Variants in BPTF observed in about 807,000 individuals in gnomAD.
BPTF encodes the protein nucleosome-remodeling factor subunit BPTF.
A neutral mutation model predicts 292.5 loss-of-function variants in BPTF; 18 were observed. The ratio of observed to expected loss-of-function variants is 0.06; its 90% CI spans 0.04 to 0.09. BPTF has a LOEUF of 0.09. Among genes scored for constraint, BPTF ranks in the 10% least tolerant of loss-of-function variants. BPTF has a pLI of 1.00. For synonymous variants in BPTF, 1,225 were observed against 1,251.9 expected, an observed-to-expected ratio of 0.98 and a Z score of 0.45; for missense variants, 2,726 against 3,498.7, an observed-to-expected ratio of 0.78 and a Z score of 5.57.
chr17:67,893,930 G>T (rs894923689), intron 6 of BPTF, 104 bp from the exon 7 acceptor site: 1 of 1,407,410 alleles, frequency 7.1e-7, no homozygotes. Flanking sequence ...AGGAGTCATC[G>T]TCTTTATACC....
chr17:67,891,758 C>T (rs920308416), intron 4 of BPTF, 86 bp from the exon 5 acceptor site: 33 of 1,003,414 alleles, frequency 3.3e-5, no homozygotes, highest in Middle Eastern at 2.2e-4. Flanking sequence ...CTTACACATA[C>T]ACCAGATACG....
At chr17:67,932,075 C>A (rs557231812) in intron 18 of BPTF, 56 bp downstream of exon 18, 3 of 1,438,042 alleles carry the variant, frequency 2.1e-6, no homozygotes, top group Non-Finnish European at 2.9e-6. Context: ...CTAGGAAATA[C>A]GTAATTCTCT....
intron 15 of BPTF, among the ~76,000 whole-genome samples, chr17:67,925,969 C>T (rs958399618): frequency 7.8e-6 from 1 of 128,810 alleles, no homozygotes; most frequent in African/African-American, 2.8e-5. Flanking sequence ...TTTCTCATCT[C>T]TGCAATGTAA....
intron 7 of BPTF, among the ~76,000 whole-genome samples, chr17:67,894,722 A>T (rs1318813231): frequency 6.6e-6 from 1 of 152,164 alleles, no homozygotes; most frequent in Admixed American, 6.5e-5. Flanking sequence ...AGTAAATAGC[A>T]TTTTTATTGA....
intron 4 of BPTF, among the ~76,000 whole-genome samples, chr17:67,878,674 A>G (rs1052850835): frequency 2.9e-5 from 4 of 139,634 alleles, no homozygotes; most frequent in African/African-American, 1.1e-4. Context: ...GAGCGTCTTT[A>G]TGTGTTCGTG....
rs1314884764 is a variant in BPTF, at chr17:67,854,988, C to A, written c.1436+226C>A. Among the ~76,000 whole-genome samples, 4 of 152,068 alleles carry A rather than the reference C, an allele frequency of 2.6e-5. No homozygotes were observed. Among genetic ancestry groups the A allele is most frequent in the African/African-American group, 9.7e-5 (4 of 41,408 alleles). On this transcript the variant is annotated intron_variant, in intron 2 of 27. Coordinates refer to ENST00000306378, the MANE Select transcript of BPTF (RefSeq NM_182641.4). The surrounding 1 kb of genome is among the most constrained non-coding windows in gnomAD (Gnocchi z 5.6). ...GCAAAATTCCATTGTTTTTTGATGC[C>A]TAGGCTAGGAAATAGAATGTTTCTA... is the stretch of plus-strand genomic sequence containing the variant.
chr17:67,936,600 G>A (rs1208037793), intron 18 of BPTF: 1 of 152,202 alleles, frequency 6.6e-6, no homozygotes, highest in East Asian at 1.9e-4. Context: ...TTCTTCCCTG[G>A]AGTCTTGAAT....
intron 23 of BPTF, among the ~76,000 whole-genome samples, chr17:67,948,939 C>T (rs1378580731): frequency 1.3e-5 from 2 of 152,194 alleles, no homozygotes; most frequent in African/African-American, 4.8e-5. Context: ...CCTGATGGCA[C>T]CACTGCACTG....
At chr17:67,921,187 G>A (rs1286033323) in intron 13 of BPTF, among the ~76,000 whole-genome samples, 1 of 134,394 alleles carries the variant, frequency 7.4e-6, no homozygotes, top group Non-Finnish European at 1.6e-5. Flanking sequence ...TCCAGTCTGG[G>A]TAACAGATTG....
Position 67,911,583 on chromosome 17 carries a change from C to G in BPTF, c.3699C>G (p.Asn1233Lys), listed in dbSNP as rs1462337816. The G allele has an allele frequency of 2.5e-6, 4 of 1,614,028 alleles. No homozygotes were observed. Among genetic ancestry groups the G allele is most frequent in the Non-Finnish European group, 3.4e-6 (4 of 1,179,998 alleles). ...ATATTGGTACTTTGATCTGTAAGAA[C>G]AAAAAACCGCTCATACAGGAGGAAA... Reference protein sequence around the residue: ...ADDIGTLICKNKKPLIQEESD... With the variant: ...ADDIGTLICKKKKPLIQEESD... The change falls in exon 11 of 28, where the codon AAC (asparagine) becomes AAG (lysine). Residue 1233 changes from asparagine to lysine, a missense_variant. This residue lies in a region of BPTF where 713 missense variants were observed against 714.9 expected (regional missense o/e 1.00). Transcript: ENST00000306378.
intron 7 of BPTF, among the ~76,000 whole-genome samples, chr17:67,899,191 A>G (rs974308035): frequency 3.9e-5 from 6 of 152,204 alleles, no homozygotes; most frequent in Non-Finnish European, 7.3e-5. Context: ...GACAAATGGC[A>G]GCCTACCCAC....
intron 1 of BPTF, among the ~76,000 whole-genome samples, chr17:67,832,226 A>C (rs1309346663): frequency 6.6e-6 from 1 of 152,024 alleles, no homozygotes; most frequent in Non-Finnish European, 1.5e-5. Flanking sequence ...TAAAATGATA[A>C]GCCTCAGGAG....
intron 1 of BPTF, among the ~76,000 whole-genome samples, chr17:67,851,371 A>G (rs559920046): frequency 6.6e-6 from 1 of 152,072 alleles, no homozygotes; most frequent in African/African-American, 2.4e-5. Flanking sequence ...GGCTCACACA[A>G]CCTTTTCCAA....
chr17:67,975,254 GGACACTTATCAATC>G (rs2069265162), intron 26 of BPTF: 2 of 152,124 alleles, frequency 1.3e-5, no homozygotes, highest in South Asian at 4.1e-4. Context: ...ACATTTAAGT[GGACACTTATCAATC>G]CAGTCATGAA....
In BPTF at chr17:67,876,635, G is replaced by A. The variant is rs901471806; in HGVS notation, c.1864+1615G>A. 2.6e-5 allele frequency among the ~76,000 whole-genome samples: 4 copies of A among 151,976 alleles called. No individual in the cohort carries two copies. In the East Asian group the frequency reaches 5.8e-4, roughly 22 times the overall value. ...AGCCTGACCAACATGTTGAAACCCCGTGTCTACTGAAAATGCAAAAATTAG... is the reference window on the plus strand; with the variant it reads ...AGCCTGACCAACATGTTGAAACCCCATGTCTACTGAAAATGCAAAAATTAG... On this transcript the variant is annotated intron_variant, in intron 4 of 27. Transcript: ENST00000306378.
intron 23 of BPTF, among the ~76,000 whole-genome samples, chr17:67,952,177 A>G (rs1253716874): frequency 6.6e-6 from 1 of 151,366 alleles, no homozygotes; most frequent in Non-Finnish European, 1.5e-5. Flanking sequence ...GTACTGGCAT[A>G]TTTTAAAAAT....
chr17:67,879,745 TGA>T (rs2060275888), intron 4 of BPTF, among the ~76,000 whole-genome samples: 1 of 152,148 alleles, frequency 6.6e-6, no homozygotes, highest in East Asian at 1.9e-4. Context: ...TACCTCATTG[TGA>T]GAGAGCAAAT....
chr17:67,965,116 T>C (rs9944426), intron 25 of BPTF: 139,362 of 150,838 alleles, frequency 0.92, 65,254 homozygotes, highest in East Asian at 1. Flanking sequence ...CTGAGGCGGG[T>C]GGATCACAAG....
At chr17:67,926,818 A>G (rs961693687) in intron 15 of BPTF, among the ~76,000 whole-genome samples, 1 of 151,582 alleles carries the variant, frequency 6.6e-6, no homozygotes, top group African/African-American at 2.4e-5. Flanking sequence ...GCTCATTGCA[A>G]CTTTGAATTC....
Sources: allele counts gnomAD v4.1 joint callset (sites outside exome capture counted in the v4.1 genomes callset), GRCh38; gene constraint gnomAD v4.1.1; regional missense constraint gnomAD v4.1.1; non-coding constraint Gnocchi (gnomAD v3.1); transcripts MANE v1.5; gene names NCBI Gene and HGNC (gene_info 2026-07-23, HGNC 2026-07-21).